The following CATSPER1 variants were observed in gnomAD, a reference collection of about 807,000 sequenced individuals.
The protein encoded by CATSPER1 is cation channel sperm-associated protein 1.
A neutral mutation model predicts 72.7 loss-of-function variants in CATSPER1; 57 were observed. The ratio of observed to expected loss-of-function variants is 0.78; its 90% CI spans 0.63 to 0.98. CATSPER1 has a LOEUF of 0.98. Ranked by LOEUF, CATSPER1 falls within the 50% of genes least tolerant of loss-of-function variation. The pLI, the probability that CATSPER1 is intolerant of heterozygous loss-of-function variation, is 0.00. For missense variants in CATSPER1, 910 were observed against 1,033.9 expected (o/e 0.88, Z 1.64); for synonymous variants, 363 against 403.0 (o/e 0.90, Z 1.19).
chr11:66,026,437 G>T lies in CATSPER1; in HGVS notation c.-58C>A, dbSNP rs976588210. ...TCAAGACCTGGGCCCAACAGGCCCC[G>T]CCTGGATTTCCCTTCTTTCCTGAGC... is the stretch of plus-strand genomic sequence containing the variant. On this transcript the variant is annotated 5_prime_UTR_variant, in exon 1 of 12. Transcript: ENST00000312106. 2.5e-6 allele frequency: 4 copies of T among 1,603,448 alleles called. No individual in the cohort carries two copies. The highest frequency in any genetic ancestry group is 3.4e-6 in the Non-Finnish European group (4 of 1,179,608).
At chr11:66,021,302 G>T in intron 4 of CATSPER1, 117 bp from the exon 5 acceptor site, 1 of 1,232,384 alleles carries the variant, frequency 8.1e-7, no homozygotes, top group Non-Finnish European at 1.1e-6. Context: ...GGTGACTTGG[G>T]TGAGTCCTGG....
chr11:66,026,185 G>A lies in CATSPER1; in HGVS notation c.195C>T (p.Asp65=), dbSNP rs1856505516. The change falls in exon 1 of 12, where the codon GAC becomes GAT. Residue 65 remains aspartate (D), a synonymous_variant. Coordinates refer to ENST00000312106, the MANE Select transcript of CATSPER1 (RefSeq NM_053054.4). The part of the protein sequence containing the change: ...GESHHPPEFQ[D]FHDQALSSHV... ...GGGAGGACAAGGCTTGGTCGTGGAA[G>A]TCTTGGAACTCCGGAGGGTGGTGAG... 1 of 1,607,750 alleles carries A rather than the reference G, an allele frequency of 6.2e-7. No individual in the cohort carries two copies. The highest frequency in any genetic ancestry group is 1.3e-5 in the African/African-American group (1 of 74,772).
At chr11:66,021,689 G>A (rs766579277) in intron 3 of CATSPER1, 46 bp from the exon 4 acceptor site, 29 of 1,609,932 alleles carry the variant, frequency 1.8e-5, no homozygotes, top group East Asian at 1.3e-4. Context: ...CAACGCCAGC[G>A]CCCCCTTCCC....
At position 66,018,786 on chromosome 11, in the gene CATSPER1, A is replaced by T. The variant is rs11227381; in HGVS notation, c.2201+41T>A. The T allele has an allele frequency of 1.4e-3, 2,227 of 1,604,658 alleles. 32 individuals carry two copies. In the African/African-American group the frequency reaches 0.025, roughly 18 times the overall value. ...CCCTCCAGCCAGGCCCCCAGGCCTC[A>T]CCCTCAGACCCCAGGCCTCGCTCCC... On this transcript the variant is annotated intron_variant, in intron 10 of 11. Coordinates refer to ENST00000312106, the MANE Select transcript of CATSPER1 (RefSeq NM_053054.4).
chr11:66,025,585 G>C lies in CATSPER1; in HGVS notation c.795C>G (p.Ser265Arg), dbSNP rs139056553. Residue 265 changes from serine to arginine, a missense_variant, in exon 1 of 12, where the codon AGC (serine) becomes AGG (arginine). Coordinates refer to ENST00000312106, the MANE Select transcript of CATSPER1 (RefSeq NM_053054.4). ...SYQRGISDYH[S>R]EYHQGDHHPS... ...GGTGGTGATCACCTTGGTGGTACTC[G>C]CTGTGATAGTCAGATATCCCACGCT... 1.2e-6 allele frequency: 2 copies of C among 1,607,694 alleles called. No individual in the cohort carries two copies. Among genetic ancestry groups the C allele is most frequent in the African/African-American group, 2.7e-5 (2 of 74,812 alleles).
chr11:66,025,963 ACT>A lies in CATSPER1; in HGVS notation c.415_416del (p.Ser139Ter). On this transcript the variant is annotated frameshift_variant, in exon 1 of 12. Coordinates refer to ENST00000312106, the MANE Select transcript of CATSPER1 (RefSeq NM_053054.4). LOFTEE classifies it high-confidence loss of function. ...GSQYGGFHQQ[S>X]DSHYHRGSHH... ...GAGACCCCCTATGGTAATGGGAGTC[ACT>A]CTGCTGATGGAACCCACCGTATTGG... 6.2e-7 allele frequency: 1 copy of A among 1,613,226 alleles called. No individual in the cohort carries two copies. Among genetic ancestry groups the A allele is most frequent in the Non-Finnish European group, 8.5e-7 (1 of 1,179,778 alleles).
In CATSPER1 at chr11:66,020,896, C is replaced by T; in HGVS notation, c.1842G>A (p.Gln614=). 1.2e-6 allele frequency: 2 copies of T among 1,614,072 alleles called. No homozygotes were observed. Among genetic ancestry groups the T allele is most frequent in the Non-Finnish European group, 1.7e-6 (2 of 1,180,032 alleles). The change falls in exon 6 of 12, where the codon CAG becomes CAA. Residue 614 remains glutamine (Q), a synonymous_variant. Transcript: ENST00000312106. This position sits in a 1 kb window ranked among gnomAD's most constrained non-coding sequence, Gnocchi z 4.5. ...GGGTGAAGATGGTGGTGAAGATGTT[C>T]TGGAAGCGCTTGGGGTCAGATTTGC... ...LFRKSDPKRF[Q]NIFTTIFTLF...
chr11:66,019,063 C>T (rs904325231), intron 9 of CATSPER1, among the ~76,000 whole-genome samples, 161 bp from the exon 10 acceptor site: 1 of 152,066 alleles, frequency 6.6e-6, no homozygotes, highest in Non-Finnish European at 1.5e-5. Flanking sequence ...CCTTTGTTTG[C>T]CCGTCTAGCA....
chr11:66,025,278 T>G lies in CATSPER1; in HGVS notation c.1102A>C (p.Ser368Arg). The G allele has an allele frequency of 6.2e-7, 1 of 1,614,136 alleles. No individual in the cohort carries two copies. The highest frequency in any genetic ancestry group is 8.5e-7 in the Non-Finnish European group (1 of 1,180,016). ...TGGGTGACACGTGAGCGGATTGTGCTGGAGGACCGAGTCATGCTGTGAGCC... is the reference window on the plus strand; with the variant it reads ...TGGGTGACACGTGAGCGGATTGTGCGGGAGGACCGAGTCATGCTGTGAGCC... ...GSAHSMTRSS[S>R]TIRSRVTQMS... The change falls in exon 1 of 12, where the codon AGC becomes CGC. Residue 368 changes from serine (S) to arginine (R), a missense_variant. By Grantham distance (110) the Ser-to-Arg change is moderately radical (BLOSUM62 -1). Coordinates refer to ENST00000312106, the MANE Select transcript of CATSPER1 (RefSeq NM_053054.4).
In CATSPER1 at chr11:66,021,189, T is replaced by G; in HGVS notation, c.1692-4A>C. On this transcript the variant is annotated splice_polypyrimidine_tract_variant and splice_region_variant and intron_variant, in intron 4 of 11. Transcript: ENST00000312106. ...TTCCTGGACGCTGGTCAGGAAGCTG[T>G]GGGCAGAAGGAGTGGGGACTGAGTC... 1 of 1,611,864 alleles carries G rather than the reference T, an allele frequency of 6.2e-7. No individual in the cohort carries two copies. The highest frequency in any genetic ancestry group is 8.5e-7 in the Non-Finnish European group (1 of 1,179,204).
At chr11:66,022,307 C>T (rs186504299) in intron 2 of CATSPER1, among the ~76,000 whole-genome samples, 217 of 152,244 alleles carry the variant, frequency 1.4e-3, no homozygotes, top group Admixed American at 3.3e-3. Flanking sequence ...TGCACTCCAG[C>T]CTGGGTGACA....
rs774913580 is a variant in CATSPER1, at chr11:66,021,928, C to CCT, written c.1430-51_1430-50dup. 1.6e-5 allele frequency: 22 copies of CCT among 1,365,432 alleles called. No individual in the cohort carries two copies. The East Asian group carries it at 4.8e-4, about 30-fold the overall frequency. The allele number at this position is 1,365,432 out of a possible 1,614,324, so 84.6% of individuals were successfully genotyped here. A position where few individuals can be genotyped will look rare whatever the true frequency, so the allele number is the denominator to read the frequency against. On this transcript the variant is annotated intron_variant, in intron 2 of 11. Transcript: ENST00000312106. ...CAGAGCTGTCCCCAGCACCCAGTGC[C>CCT]CTCTCTCTCCTCAGCATTAGCCTCA...
rs761673284 is a variant in CATSPER1 at position 66,017,186 on chromosome 11, C to CG, written c.2202-13dup. The CG allele has an allele frequency of 1.1e-3, 294 of 260,870 alleles. 1 individual carries two copies. The highest frequency in any genetic ancestry group is 4.0e-3 in the South Asian group (136 of 33,900). The allele number at this position is 260,870 out of a possible 1,614,324, so 16.2% of individuals were successfully genotyped here. A position where few individuals can be genotyped will look rare whatever the true frequency, so the allele number is the denominator to read the frequency against. The stretch of plus-strand genomic sequence containing the variant: ...GGAGCTCCTGCTGCCTGCGGGTGGG[C>CG]GGGGGGGTCGCAGAGACAGGGGCTG... On this transcript the variant is annotated splice_polypyrimidine_tract_variant and intron_variant, in intron 10 of 11. Coordinates refer to ENST00000312106, the MANE Select transcript of CATSPER1 (RefSeq NM_053054.4).
At chr11:66,024,398 C>A (rs904927776) in intron 1 of CATSPER1, among the ~76,000 whole-genome samples, 1 of 151,664 alleles carries the variant, frequency 6.6e-6, no homozygotes. Flanking sequence ...CTGCCTCAGC[C>A]TCCCAAGTAG....
At chr11:66,022,796 C>A in intron 2 of CATSPER1, 53 bp downstream of exon 2, 1 of 1,581,176 alleles carries the variant, frequency 6.3e-7, no homozygotes, top group East Asian at 2.2e-5. Flanking sequence ...CCACGGAGGT[C>A]CTGGAAGAGC....
At position 66,017,194 on chromosome 11, in the gene CATSPER1, T is replaced by TGGGGGGGGGGGGGGGGGGGGGCCCA; in HGVS notation, c.2202-21_2202-20insTGGGCCCCCCCCCCCCCCCCCCCCC. On this transcript the variant is annotated intron_variant, in intron 10 of 11. Transcript: ENST00000312106. ...TGCTGCCTGCGGGTGGGCGGGGGGG[T>TGGGGGGGGGGGGGGGGGGGGGCCCA]CGCAGAGACAGGGGCTGGGCTGACC... The TGGGGGGGGGGGGGGGGGGGGGCCCA allele has an allele frequency of 1.8e-6, 1 of 550,278 alleles. No individual in the cohort carries two copies. The highest frequency in any genetic ancestry group is 3.4e-6 in the Non-Finnish European group (1 of 295,850). 34.1% of individuals were successfully genotyped at this position (550,278 alleles called of 1,614,324 possible).
In CATSPER1 at chr11:66,025,310, C is replaced by T. The variant is rs199732759; in HGVS notation, c.1070G>A (p.Arg357Gln). 48 of 1,614,116 alleles carry T rather than the reference C, an allele frequency of 3.0e-5. No individual in the cohort carries two copies. The Admixed American group carries it at 3.7e-4, about 12-fold the overall frequency. Residue 357 changes from arginine to glutamine, a missense_variant, in exon 1 of 12, where the codon CGG (arginine) becomes CAG (glutamine). By Grantham distance (43) the Arg-to-Gln change is conservative. Transcript: ENST00000312106. ...CCGAGTCATGCTGTGAGCCGAGCCC[C>T]GTGGGTGTGCTACGTGATAGGGGAA... Reference protein sequence around the residue: ...GVFPYHVAHPRGSAHSMTRSS... With the variant: ...GVFPYHVAHPQGSAHSMTRSS...
At chr11:66,024,025 G>A (rs1020042583) in intron 1 of CATSPER1, among the ~76,000 whole-genome samples, 5 of 151,380 alleles carry the variant, frequency 3.3e-5, no homozygotes, top group Admixed American at 6.6e-5. Flanking sequence ...GTGCAGTATC[G>A]TGATCTCGGC....
intron 1 of CATSPER1, among the ~76,000 whole-genome samples, chr11:66,023,915 C>T (rs1856434149): frequency 6.6e-6 from 1 of 151,710 alleles, no homozygotes; most frequent in African/African-American, 2.4e-5. Context: ...TTTAATAACA[C>T]ACTTGCCCCT....
Sources: gnomAD v4.1 joint callset for allele counts (sites outside exome capture counted in the v4.1 genomes callset) on GRCh38, gnomAD v4.1.1 for gene constraint, Gnocchi (gnomAD v3.1) non-coding constraint, MANE v1.5 for transcripts, NCBI Gene and HGNC (gene_info 2026-07-23, HGNC 2026-07-21) for gene names.